MAGI2: variants seen among roughly 807,000 people sequenced by gnomAD.
The protein encoded by MAGI2 is membrane associated guanylate kinase, WW and PDZ domain containing 2, also known as membrane-associated guanylate kinase, WW and PDZ domain-containing protein 2.
In MAGI2, 35 loss-of-function variants were observed where a neutral mutation model predicts 133.3. The ratio of observed to expected loss-of-function variants is 0.26; its 90% CI spans 0.20 to 0.35. MAGI2 has a LOEUF of 0.35. MAGI2 is among the 10% of genes least tolerant of loss of function. MAGI2 has a pLI of 1.00. For synonymous variants in MAGI2, 729 were observed against 710.6 expected (o/e 1.03, Z -0.41); for missense variants, 1,636 against 1,863.4 (o/e 0.88, Z 2.25).
intron 3 of MAGI2, among the ~76,000 whole-genome samples, chr7:78,621,124 C>T (rs1041179924): frequency 6.6e-6 from 1 of 151,986 alleles, no homozygotes; most frequent in African/African-American, 2.4e-5. Flanking sequence ...TCCCAAAGAC[C>T]TGTCTTCCTT....
chr7:78,695,819 G>C (rs911095249), intron 2 of MAGI2, among the ~76,000 whole-genome samples: 1 of 152,104 alleles, frequency 6.6e-6, no homozygotes, highest in Admixed American at 6.6e-5. Flanking sequence ...GAAGCCCAGT[G>C]GGCTTGTTTC....
intron 2 of MAGI2, among the ~76,000 whole-genome samples, chr7:78,797,858 A>T (rs1002980638): frequency 1.3e-5 from 2 of 152,150 alleles, no homozygotes; most frequent in African/African-American, 4.8e-5. Flanking sequence ...AAAGGGAAAG[A>T]GTGCCCAAGA....
chr7:79,083,682 A>G (rs117535100), intron 1 of MAGI2, among the ~76,000 whole-genome samples: 1 of 151,702 alleles, frequency 6.6e-6, no homozygotes, highest in Non-Finnish European at 1.5e-5. Context: ...ATAGCCTCAG[A>G]AAATAACTTG....
chr7:78,042,741 A>C (rs1051479463), intron 21 of MAGI2, among the ~76,000 whole-genome samples: 6 of 152,222 alleles, frequency 3.9e-5, no homozygotes, highest in South Asian at 2.1e-4. Flanking sequence ...AAAAAGACCT[A>C]ACCTTCTGGA....
chr7:78,659,900 AT>A (rs1469743213), intron 2 of MAGI2, among the ~76,000 whole-genome samples: 1 of 152,192 alleles, frequency 6.6e-6, no homozygotes, highest in Non-Finnish European at 1.5e-5. Context: ...TGAAGGTAGT[AT>A]TTAACAATGA....
intron 2 of MAGI2, among the ~76,000 whole-genome samples, chr7:78,690,380 A>G (rs1412427162): frequency 1.3e-5 from 2 of 152,304 alleles, no homozygotes; most frequent in East Asian, 3.9e-4. Flanking sequence ...CAGTTTTGCT[A>G]AATTCCCATT....
At chr7:78,274,409 C>A (rs1478987122) in intron 9 of MAGI2, among the ~76,000 whole-genome samples, 1 of 152,186 alleles carries the variant, frequency 6.6e-6, no homozygotes, top group Non-Finnish European at 1.5e-5. Context: ...TCAGGATACA[C>A]AGGGGTCAGG....
At chr7:79,447,595 T>C (rs952368555) in intron 1 of MAGI2, among the ~76,000 whole-genome samples, 1 of 152,100 alleles carries the variant, frequency 6.6e-6, no homozygotes. Context: ...ACAGTATTAA[T>C]ACACAGACTT....
intron 15 of MAGI2, among the ~76,000 whole-genome samples, chr7:78,167,161 G>A (rs1453394024): frequency 6.6e-6 from 1 of 151,936 alleles, no homozygotes; most frequent in Non-Finnish European, 1.5e-5. Context: ...TCTGAGGGGA[G>A]GTAATACAAT....
At chr7:78,629,411 C>T (rs1048890751) in intron 2 of MAGI2, among the ~76,000 whole-genome samples, 1 of 152,126 alleles carries the variant, frequency 6.6e-6, no homozygotes, top group East Asian at 1.9e-4. Flanking sequence ...CTATTCTGTT[C>T]TTCTTTCTAA....
intron 1 of MAGI2, among the ~76,000 whole-genome samples, chr7:79,132,392 A>G (rs1821013820): frequency 6.6e-6 from 1 of 152,100 alleles, no homozygotes; most frequent in African/African-American, 2.4e-5. Context: ...ATGAGAACAT[A>G]TAGTTTTTGG....
chr7:79,096,884 T>C (rs1156649204), intron 1 of MAGI2, among the ~76,000 whole-genome samples: 6 of 152,156 alleles, frequency 3.9e-5, no homozygotes, highest in African/African-American at 1.4e-4. Context: ...AGGGAGAACA[T>C]AATTCTCTAA....
At chr7:78,240,026 C>A (rs1022603787) in intron 10 of MAGI2, among the ~76,000 whole-genome samples, 8 of 151,390 alleles carry the variant, frequency 5.3e-5, no homozygotes, top group African/African-American at 2.4e-5. Context: ...GGTACATGTG[C>A]ACAACGTGCA....
intron 2 of MAGI2, among the ~76,000 whole-genome samples, chr7:78,792,535 C>T (rs904843622): frequency 2.6e-5 from 4 of 152,112 alleles, no homozygotes; most frequent in Non-Finnish European, 4.4e-5. Context: ...GGAGCATATC[C>T]TACACACCCA....
At chr7:78,376,627 G>T (rs971396478) in intron 6 of MAGI2, among the ~76,000 whole-genome samples, 1 of 151,968 alleles carries the variant, frequency 6.6e-6, no homozygotes, top group African/African-American at 2.4e-5. Context: ...AAATTTAATA[G>T]AAAATTGAAA....
chr7:78,572,587 C>G (rs1202534654), intron 3 of MAGI2, among the ~76,000 whole-genome samples: 2 of 152,052 alleles, frequency 1.3e-5, no homozygotes, highest in African/African-American at 2.4e-5. Context: ...CCCTTACCTA[C>G]CCCCCAGATT....
chr7:79,116,025 C>T (rs1331985222), intron 1 of MAGI2, among the ~76,000 whole-genome samples: 3 of 151,932 alleles, frequency 2.0e-5, no homozygotes, highest in Non-Finnish European at 1.5e-5. Context: ...TACAGAACCA[C>T]TCAGCAGCGA....
At chr7:78,848,568 T>C (rs1396373626) in intron 2 of MAGI2, among the ~76,000 whole-genome samples, 1 of 151,936 alleles carries the variant, frequency 6.6e-6, no homozygotes, top group East Asian at 1.9e-4. Context: ...TCTGACATGA[T>C]CAAAAAGGCT....
chr7:79,322,014 T>C (rs1036032567), intron 1 of MAGI2, among the ~76,000 whole-genome samples: 2 of 152,190 alleles, frequency 1.3e-5, no homozygotes, highest in African/African-American at 4.8e-5. Context: ...AATAAAAGCC[T>C]GAAGAAGTCT....
Sources: allele counts gnomAD v4.1 joint callset (sites outside exome capture counted in the v4.1 genomes callset), GRCh38; gene constraint gnomAD v4.1.1; transcripts MANE v1.5; gene names NCBI Gene and HGNC (gene_info 2026-07-23, HGNC 2026-07-21).